GOLM2: variants seen among roughly 807,000 people sequenced by gnomAD.
GOLM2 encodes protein GOLM2.
In GOLM2, 26 loss-of-function variants were observed where a neutral mutation model predicts 55.9. The observed-to-expected ratio is 0.47, with a 90% CI of 0.34 to 0.65. The LOEUF is 0.65. Among genes scored for constraint, GOLM2 ranks in the 30% least tolerant of loss-of-function variants. The pLI, the probability that GOLM2 is intolerant of heterozygous loss-of-function variation, is 0.01. For synonymous variants in GOLM2, 165 were observed against 194.6 expected (o/e 0.85, Z 1.27); for missense variants, 486 against 531.8 (o/e 0.91, Z 0.85).
intron 1 of GOLM2, among the ~76,000 whole-genome samples, chr15:44,312,910 C>G (rs2078883721): frequency 6.6e-6 from 1 of 152,156 alleles, no homozygotes; most frequent in Admixed American, 6.5e-5. Flanking sequence ...GAAACCCCAT[C>G]TCTACTAAAA....
At chr15:44,292,090 C>T (rs2078724514) in intron 1 of GOLM2, among the ~76,000 whole-genome samples, 1 of 151,714 alleles carries the variant, frequency 6.6e-6, no homozygotes, top group Admixed American at 6.6e-5. Flanking sequence ...ATCTTAACTA[C>T]TTTTAAGTGT....
At chr15:44,357,716 G>C (rs571182319) in intron 6 of GOLM2, among the ~76,000 whole-genome samples, 30 of 152,176 alleles carry the variant, frequency 2.0e-4, no homozygotes, top group African/African-American at 6.3e-4. Context: ...AGGATATAAG[G>C]TTAATATACA....
chr15:44,304,736 T>G (rs1264546963), intron 1 of GOLM2, among the ~76,000 whole-genome samples: 2 of 152,058 alleles, frequency 1.3e-5, no homozygotes, highest in Non-Finnish European at 1.5e-5. Context: ...AAAAATGGTT[T>G]GTAGACCAGG....
intron 6 of GOLM2, chr15:44,345,827 C>T (rs2079120535): frequency 6.6e-6 from 1 of 151,730 alleles, no homozygotes. Context: ...AAAATTACTC[C>T]CTTGGTTCTT....
At position 44,402,760 on chromosome 15, in the gene GOLM2, A is replaced by G. The variant is rs2079573727; in HGVS notation, c.1073-127A>G. The G allele has an allele frequency of 9.8e-6, 7 of 714,704 alleles. No homozygotes were observed. The South Asian group carries it at 1.4e-4, about 15-fold the overall frequency. 44.3% of individuals were successfully genotyped at this position (714,704 alleles called of 1,614,324 possible). A position where few individuals can be genotyped will look rare whatever the true frequency, so the allele number is the denominator to read the frequency against. On this transcript the variant is annotated intron_variant, in intron 8 of 9. Coordinates refer to ENST00000299957, the MANE Select transcript of GOLM2 (RefSeq NM_138423.4). ...GTCTTGGATAACCTTCACAAAATGT[A>G]TCCTTTTATATCCAGTACCCCAAAA...
At chr15:44,344,018 G>C (rs1207665310) in intron 6 of GOLM2, among the ~76,000 whole-genome samples, 1 of 150,334 alleles carries the variant, frequency 6.7e-6, no homozygotes, top group African/African-American at 2.4e-5. Flanking sequence ...ATTACAGCTG[G>C]ATAGGCTGAG....
At chr15:44,338,902 C>T (rs1266706206) in intron 6 of GOLM2, among the ~76,000 whole-genome samples, 1 of 152,114 alleles carries the variant, frequency 6.6e-6, no homozygotes, top group Non-Finnish European at 1.5e-5. Flanking sequence ...CCACTTGCTG[C>T]TATTCTAATC....
chr15:44,383,597 C>T (rs888888699), intron 8 of GOLM2, among the ~76,000 whole-genome samples: 1 of 151,266 alleles, frequency 6.6e-6, no homozygotes, highest in African/African-American at 2.4e-5. Context: ...ATCTGTGCAT[C>T]AGTTTTGACC....
At chr15:44,360,833 C>G (rs934774503) in intron 6 of GOLM2, among the ~76,000 whole-genome samples, 1 of 152,134 alleles carries the variant, frequency 6.6e-6, no homozygotes, top group African/African-American at 2.4e-5. Flanking sequence ...TGTAAAAGAA[C>G]AGAAATTATA....
chr15:44,319,695 C>T (rs2078936239), intron 1 of GOLM2, among the ~76,000 whole-genome samples: 1 of 151,906 alleles, frequency 6.6e-6, no homozygotes, highest in South Asian at 2.1e-4. Context: ...TCAATCAGTC[C>T]TCCCACCTCA....
intron 6 of GOLM2, among the ~76,000 whole-genome samples, chr15:44,377,557 A>G (rs1438029922): frequency 6.6e-6 from 1 of 152,028 alleles, no homozygotes; most frequent in African/African-American, 2.4e-5. Flanking sequence ...ATTTTTTAGT[A>G]GAGATGGGGT....
chr15:44,381,647 T>C (rs2079403984), intron 8 of GOLM2, among the ~76,000 whole-genome samples: 1 of 152,178 alleles, frequency 6.6e-6, no homozygotes, highest in South Asian at 2.1e-4. Flanking sequence ...TTTTTATCAG[T>C]CACCAGGAGT....
At chr15:44,316,154 C>A (rs930641811) in intron 1 of GOLM2, among the ~76,000 whole-genome samples, 2 of 152,140 alleles carry the variant, frequency 1.3e-5, no homozygotes, top group African/African-American at 4.8e-5. Context: ...AGTAAGAACT[C>A]CAATTAATTT....
chr15:44,360,636 C>T (rs2079231134), intron 6 of GOLM2, among the ~76,000 whole-genome samples: 1 of 152,074 alleles, frequency 6.6e-6, no homozygotes, highest in Non-Finnish European at 1.5e-5. Context: ...CAACATTAGA[C>T]AGATCAACGA....
chr15:44,318,621 A>G (rs2078928228), intron 1 of GOLM2, among the ~76,000 whole-genome samples: 1 of 152,032 alleles, frequency 6.6e-6, no homozygotes, highest in East Asian at 1.9e-4. Flanking sequence ...AGGCAGGAGA[A>G]CGACTTGAAC....
intron 1 of GOLM2, among the ~76,000 whole-genome samples, chr15:44,312,624 A>G (rs1285522951): frequency 1.3e-5 from 2 of 152,094 alleles, no homozygotes; most frequent in South Asian, 2.1e-4. Flanking sequence ...TCACCCTCTC[A>G]GTCTATGCTT....
chr15:44,295,706 T>C (rs1005360383), intron 1 of GOLM2, among the ~76,000 whole-genome samples: 10 of 152,192 alleles, frequency 6.6e-5, no homozygotes, highest in African/African-American at 2.4e-4. Context: ...TATTGTGACA[T>C]GATAGTCCCT....
chr15:44,314,243 AAAAAAAG>A (rs2141122941), intron 1 of GOLM2, among the ~76,000 whole-genome samples: 1 of 151,688 alleles, frequency 6.6e-6, no homozygotes, highest in Non-Finnish European at 1.5e-5. Context: ...TCTCAAAAAA[AAAAAAAG>A]AAAAGAAAAG....
At chr15:44,398,408 C>A (rs1017476086) in intron 8 of GOLM2, among the ~76,000 whole-genome samples, 1 of 152,168 alleles carries the variant, frequency 6.6e-6, no homozygotes, top group Admixed American at 6.5e-5. Flanking sequence ...TAGGCTGAAG[C>A]CTCCTGAGTA....
Sources: allele counts gnomAD v4.1 joint callset (sites outside exome capture counted in the v4.1 genomes callset), GRCh38; gene constraint gnomAD v4.1.1; transcripts MANE v1.5; gene names NCBI Gene and HGNC (gene_info 2026-07-23, HGNC 2026-07-21).